The following ADAMTS17 variants were observed in gnomAD, a reference collection of about 807,000 sequenced individuals.
ADAMTS17 encodes the protein A disintegrin and metalloproteinase with thrombospondin motifs 17.
In ADAMTS17, 113 loss-of-function variants were observed where a neutral mutation model predicts 141.5. That is an observed-to-expected ratio of 0.80 (90% CI 0.69 to 0.93). The LOEUF is 0.93. Ranked by LOEUF, ADAMTS17 falls within the 40% of genes least tolerant of loss-of-function variation. The probability of loss-of-function intolerance (pLI) is 0.00; values close to 1 mark genes in which losing one functional copy is unlikely to be tolerated. For synonymous variants in ADAMTS17, 768 were observed against 630.6 expected (o/e 1.22, Z -3.27); for missense variants, 1,659 against 1,517.9 (o/e 1.09, Z -1.54).
chr15:100,140,484 CATACATATATAT>C (rs2038576668), intron 10 of ADAMTS17, among the ~76,000 whole-genome samples: 1 of 40,830 alleles, frequency 2.4e-5, no homozygotes, highest in African/African-American at 5.2e-5. Context: ...CACACACATA[CATACATATATAT>C]ATATATATAT....
chr15:100,181,736 G>A (rs1251217989), intron 8 of ADAMTS17, among the ~76,000 whole-genome samples: 1 of 152,250 alleles, frequency 6.6e-6, no homozygotes, highest in African/African-American at 2.4e-5. Flanking sequence ...TCCTGAAGGA[G>A]GAGGAAGGAG....
At chr15:100,230,444 A>C (rs554723702) in intron 7 of ADAMTS17, among the ~76,000 whole-genome samples, 1 of 152,328 alleles carries the variant, frequency 6.6e-6, no homozygotes, top group East Asian at 1.9e-4. Flanking sequence ...AGCTAATTCC[A>C]AACCTCACAG....
At chr15:100,133,980 T>C (rs1018871971) in intron 10 of ADAMTS17, among the ~76,000 whole-genome samples, 1 of 152,218 alleles carries the variant, frequency 6.6e-6, no homozygotes, top group African/African-American at 2.4e-5. Context: ...AAAACAGGAA[T>C]TGGCATTTAA....
At chr15:100,080,224 C>T (rs2141809465) in intron 15 of ADAMTS17, among the ~76,000 whole-genome samples, 1 of 152,200 alleles carries the variant, frequency 6.6e-6, no homozygotes, top group East Asian at 1.9e-4. Context: ...AATGCTGCCA[C>T]CAGGAGACAC....
intron 10 of ADAMTS17, among the ~76,000 whole-genome samples, chr15:100,133,579 C>T (rs548552963): frequency 6.6e-6 from 1 of 152,298 alleles, no homozygotes; most frequent in Admixed American, 6.5e-5. Context: ...CCACCGAGGG[C>T]CTAGGAGATA....
intron 18 of ADAMTS17, among the ~76,000 whole-genome samples, chr15:100,029,497 A>G (rs1190895155): frequency 1.3e-5 from 2 of 152,126 alleles, no homozygotes; most frequent in African/African-American, 4.8e-5. Flanking sequence ...CAATTAGGGC[A>G]TCCGGCTGCC....
At chr15:100,236,057 C>T (rs374879456) in intron 7 of ADAMTS17, among the ~76,000 whole-genome samples, 10 of 152,134 alleles carry the variant, frequency 6.6e-5, no homozygotes, top group Non-Finnish European at 2.9e-5. Context: ...CTAATGATCA[C>T]AGACATCCAC....
intron 17 of ADAMTS17, among the ~76,000 whole-genome samples, chr15:100,049,667 G>A (rs555699693): frequency 2.0e-5 from 3 of 152,290 alleles, no homozygotes; most frequent in East Asian, 1.9e-4. Flanking sequence ...AATACTGCAC[G>A]GCCATGCCTT....
chr15:100,238,661 T>G lies in ADAMTS17; in HGVS notation c.1075+15475A>C, dbSNP rs2042734188. Reference sequence around the variant, plus strand: ...CCAGAGTTAAGCCCTCAGGCTTTGCTGTGAGATAGTTTGATCCCAGCTCTG... The same window carrying G: ...CCAGAGTTAAGCCCTCAGGCTTTGCGGTGAGATAGTTTGATCCCAGCTCTG... On this transcript the variant is annotated intron_variant, in intron 7 of 21. Transcript: ENST00000268070. 3.3e-5 allele frequency among the ~76,000 whole-genome samples: 5 copies of G among 152,238 alleles called. No individual in the cohort carries two copies. The South Asian group carries it at 1.0e-3, about 32-fold the overall frequency.
At position 100,261,583 on chromosome 15, in the gene ADAMTS17, G is replaced by T. The variant is rs773486302; in HGVS notation, c.927C>A (p.His309Gln). 6.2e-7 allele frequency: 1 copy of T among 1,614,150 alleles called. No individual in the cohort carries two copies. Among genetic ancestry groups the T allele is most frequent in the Non-Finnish European group, 8.5e-7 (1 of 1,180,026 alleles). Residue 309 changes from histidine (H) to glutamine (Q), a missense_variant, in exon 6 of 22, where the codon CAC becomes CAA. By Grantham distance (24) the His-to-Gln change is conservative. Transcript: ENST00000268070. ...CTCCTCCATACTCCTCGTTCTGCCAGTGACAGAAGCTCTCCAGGGACCGCT... is the reference window on the plus strand; with the variant it reads ...CTCCTCCATACTCCTCGTTCTGCCATTGACAGAAGCTCTCCAGGGACCGCT... ...HGERSLESFC[H>Q]WQNEEYGGAR...
chr15:100,152,833 T>G lies in ADAMTS17; in HGVS notation c.1323-71A>C. The G allele has an allele frequency of 3.8e-6, 6 of 1,571,592 alleles. 2 individuals carry two copies. In the Admixed American group the frequency reaches 7.4e-5, roughly 20 times the overall value. On this transcript the variant is annotated intron_variant, in intron 9 of 21. Transcript: ENST00000268070. ...GTTTTTTTGTTTTCTTTTTCTTTTT[T>G]TTTTTGAGTTTTCAGTCACTGAGAA...
chr15:100,146,707 G>A (rs1273716755), intron 10 of ADAMTS17, among the ~76,000 whole-genome samples: 1 of 152,260 alleles, frequency 6.6e-6, no homozygotes, highest in Non-Finnish European at 1.5e-5. Flanking sequence ...GCAAATGGGA[G>A]AAGTATCGCT....
chr15:100,121,497 G>A (rs1212274367), intron 12 of ADAMTS17, among the ~76,000 whole-genome samples: 2 of 152,122 alleles, frequency 1.3e-5, no homozygotes, highest in Non-Finnish European at 2.9e-5. Context: ...TTATTAGCCA[G>A]TTTCTCACCA....
intron 15 of ADAMTS17, among the ~76,000 whole-genome samples, chr15:100,090,425 A>T (rs749361546): frequency 7.9e-5 from 12 of 152,204 alleles, no homozygotes; most frequent in Admixed American, 2.6e-4. Context: ...GACAGAGCTG[A>T]TGGGGCCCTG....
intron 8 of ADAMTS17, among the ~76,000 whole-genome samples, chr15:100,174,563 C>T (rs972734816): frequency 1.3e-5 from 2 of 152,190 alleles, no homozygotes; most frequent in African/African-American, 4.8e-5. Context: ...TTTTGAGGCT[C>T]TTCTAAAGCA....
At chr15:100,210,973 C>A (rs1196448256) in intron 7 of ADAMTS17, among the ~76,000 whole-genome samples, 1 of 151,964 alleles carries the variant, frequency 6.6e-6, no homozygotes, top group African/African-American at 2.4e-5. Context: ...TGGTGGCAGG[C>A]ACCTGTAGTC....
chr15:100,111,856 G>A (rs2036805200), intron 13 of ADAMTS17, among the ~76,000 whole-genome samples: 1 of 152,194 alleles, frequency 6.6e-6, no homozygotes. Context: ...GGGCTCACAG[G>A]AAGTGCTCGA....
intron 13 of ADAMTS17, among the ~76,000 whole-genome samples, chr15:100,109,800 G>A (rs571562467): frequency 2.0e-5 from 3 of 152,150 alleles, no homozygotes; most frequent in East Asian, 1.9e-4. Flanking sequence ...CCCGGTGTGC[G>A]CTCTCTGCCT....
chr15:100,009,751 G>A (rs867328791), intron 18 of ADAMTS17, among the ~76,000 whole-genome samples: 23 of 152,148 alleles, frequency 1.5e-4, no homozygotes, highest in Admixed American at 9.8e-4. Context: ...TGGACGGTCC[G>A]AACCAAAACA....
Sources: allele counts gnomAD v4.1 joint callset (sites outside exome capture counted in the v4.1 genomes callset), GRCh38; gene constraint gnomAD v4.1.1; transcripts MANE v1.5; gene names NCBI Gene and HGNC (gene_info 2026-07-23, HGNC 2026-07-21).